Variants in RPTOR observed in about 807,000 individuals in gnomAD.
RPTOR encodes regulatory associated protein of MTOR complex 1.
Under a neutral mutation model 169.9 loss-of-function variants are expected in RPTOR, and 21 were observed. The observed-to-expected ratio is 0.12, with a 90% CI of 0.09 to 0.18. The LOEUF is 0.18. RPTOR is among the 10% of genes least tolerant of loss of function. The pLI is 1.00. For synonymous variants in RPTOR, 732 were observed against 753.2 expected (o/e 0.97, Z 0.46); for missense variants, 1,133 against 1,855.9 (o/e 0.61, Z 7.16).
rs79061493 is a variant in RPTOR at position 80,944,040 on chromosome 17, G to A, written c.3026-1627G>A. 3.7e-3 allele frequency among the ~76,000 whole-genome samples: 564 copies of A among 152,346 alleles called. 8 individuals carry two copies. The highest frequency in any genetic ancestry group is 0.013 in the African/African-American group (542 of 41,574). ...TCCCCAGCTGCCCTTTCAGTCACCA[G>A]GATGTGTTGGAATCCATCTTGCGCC... On this transcript the variant is annotated intron_variant, in intron 25 of 33. Coordinates refer to ENST00000306801, the MANE Select transcript of RPTOR (RefSeq NM_020761.3).
intron 4 of RPTOR, among the ~76,000 whole-genome samples, chr17:80,714,019 A>G (rs1166876200): frequency 6.6e-6 from 1 of 151,918 alleles, no homozygotes; most frequent in African/African-American, 2.4e-5. Context: ...GCTCACTGCA[A>G]CCTCCACCTC....
In RPTOR at chr17:80,823,016, T is replaced by G; in HGVS notation, c.992-63T>G. 1 of 1,549,990 alleles carries G rather than the reference T, an allele frequency of 6.5e-7. No individual in the cohort carries two copies. Among genetic ancestry groups the G allele is most frequent in the Non-Finnish European group, 8.7e-7 (1 of 1,143,732 alleles). On this transcript the variant is annotated intron_variant, in intron 8 of 33. Transcript: ENST00000306801. This position sits in a 1 kb window ranked among gnomAD's most constrained non-coding sequence, Gnocchi z 4.5. ...TTTTTGATAGAAGTGAATTTGTGTA[T>G]TTGGCTTTAAATGCTAGACACAAGT...
intron 6 of RPTOR, among the ~76,000 whole-genome samples, chr17:80,771,031 C>G (rs1238722230): frequency 1.3e-5 from 2 of 152,222 alleles, no homozygotes; most frequent in Non-Finnish European, 2.9e-5. Flanking sequence ...TGATCGCTGC[C>G]TTCTGAGCCG....
intron 20 of RPTOR, among the ~76,000 whole-genome samples, 167 bp downstream of exon 20, chr17:80,894,032 G>A (rs769717376): frequency 4.6e-5 from 7 of 152,180 alleles, no homozygotes; most frequent in Non-Finnish European, 7.3e-5. Flanking sequence ...CGTTTTGCTG[G>A]GGCAAGCGGG....
At chr17:80,953,147 G>C (rs2069204231) in intron 28 of RPTOR, among the ~76,000 whole-genome samples, 1 of 152,152 alleles carries the variant, frequency 6.6e-6, no homozygotes, top group Non-Finnish European at 1.5e-5. Context: ...TTACAGGTGT[G>C]AGCCACTGCA....
rs34961841 is a variant in RPTOR at position 80,626,718 on chromosome 17, G to GT, written c.265+941dup. On this transcript the variant is annotated intron_variant, in intron 2 of 33. Transcript: ENST00000306801. Reference sequence around the variant, plus strand: ...CCTATGCAGTTCAAGTCCAGAGACTGTTTTTTTTTTTTTTTTAATTGTGGT... The same window carrying GT: ...CCTATGCAGTTCAAGTCCAGAGACTGTTTTTTTTTTTTTTTTTAATTGTGGT... Among the ~76,000 whole-genome samples the GT allele has an allele frequency of 7.9e-5, 11 of 138,668 alleles. No homozygotes were observed. In the South Asian group the frequency reaches 1.8e-3, roughly 23 times the overall value. 91.0% of individuals were successfully genotyped at this position (138,668 alleles called of 152,430 possible). A position where few individuals can be genotyped will look rare whatever the true frequency, so the allele number is the denominator to read the frequency against.
chr17:80,939,384 C>T (rs1315584277), intron 24 of RPTOR, among the ~76,000 whole-genome samples: 1 of 152,246 alleles, frequency 6.6e-6, no homozygotes, highest in Non-Finnish European at 1.5e-5. Context: ...CACACACGCA[C>T]ACACACGCAT....
intron 11 of RPTOR, among the ~76,000 whole-genome samples, chr17:80,853,065 C>A (rs552175579): frequency 2.6e-5 from 4 of 152,298 alleles, no homozygotes; most frequent in Admixed American, 2.0e-4. Context: ...AAACCCACCC[C>A]CTTCCACTCG....
intron 1 of RPTOR, among the ~76,000 whole-genome samples, chr17:80,551,754 T>C (rs975582063): frequency 2.6e-5 from 4 of 152,118 alleles, no homozygotes; most frequent in Admixed American, 1.3e-4. Flanking sequence ...GCACAGACCC[T>C]TTACGGGTGT....
chr17:80,705,289 G>A (rs1051850244), intron 3 of RPTOR, among the ~76,000 whole-genome samples: 3 of 152,252 alleles, frequency 2.0e-5, no homozygotes, highest in African/African-American at 7.2e-5. Flanking sequence ...TCTGAGCGAG[G>A]AGACACTGAG....
chr17:80,814,258 A>G (rs1369193667), intron 7 of RPTOR, among the ~76,000 whole-genome samples: 2 of 152,150 alleles, frequency 1.3e-5, no homozygotes, highest in Non-Finnish European at 2.9e-5. Context: ...TAATACGTAA[A>G]TTGTATGTTT....
chr17:80,865,705 A>G (rs972347166), intron 13 of RPTOR, among the ~76,000 whole-genome samples: 1 of 152,072 alleles, frequency 6.6e-6, no homozygotes, highest in African/African-American at 2.4e-5. Context: ...CCGTAATTAC[A>G]TTTGGAGGTT....
In RPTOR at chr17:80,950,993, C is replaced by T. The variant is rs80088199; in HGVS notation, c.3370+1446C>T. ...AAAACTTCCCTCCCTGTCCAAGGCT[C>T]GGACCTGCCGGAAATGCAGTGCTGG... On this transcript the variant is annotated intron_variant, in intron 28 of 33. Coordinates refer to ENST00000306801, the MANE Select transcript of RPTOR (RefSeq NM_020761.3). 5.4e-3 allele frequency among the ~76,000 whole-genome samples: 817 copies of T among 152,298 alleles called. 10 individuals are homozygous for T. Among genetic ancestry groups the T allele is most frequent in the African/African-American group, 0.019 (786 of 41,550 alleles).
chr17:80,890,249 G>A (rs2068303893), intron 17 of RPTOR, among the ~76,000 whole-genome samples: 1 of 152,218 alleles, frequency 6.6e-6, no homozygotes, highest in Admixed American at 6.5e-5. Context: ...CCCAGCTCTG[G>A]CTTTTCTCAC....
At chr17:80,764,870 G>A (rs1298323249) in intron 6 of RPTOR, among the ~76,000 whole-genome samples, 1 of 152,060 alleles carries the variant, frequency 6.6e-6, no homozygotes, top group African/African-American at 2.4e-5. Flanking sequence ...GGTGTGAGAT[G>A]GTATCTCATT....
At chr17:80,927,712 G>A (rs547139077) in intron 24 of RPTOR, among the ~76,000 whole-genome samples, 13 of 98,880 alleles carry the variant, frequency 1.3e-4, no homozygotes, top group Admixed American at 4.8e-4. Context: ...TGTGTATCTC[G>A]TGTGTGTGTC....
chr17:80,893,987 GAAT>G, intron 20 of RPTOR, 122 bp downstream of exon 20: 1 of 1,062,996 alleles, frequency 9.4e-7, no homozygotes. Context: ...TCAAAAGAAA[GAAT>G]AAAGGTCAAC....
At chr17:80,944,211 A>G (rs2069070074) in intron 25 of RPTOR, among the ~76,000 whole-genome samples, 1 of 152,210 alleles carries the variant, frequency 6.6e-6, no homozygotes, top group Non-Finnish European at 1.5e-5. Flanking sequence ...ATTCTGTAAT[A>G]GATCCCTCAG....
In RPTOR at chr17:80,646,771, GTCTT is replaced by G. The variant is rs1238465997; in HGVS notation, c.348+2963_348+2966del. 6.6e-6 allele frequency among the ~76,000 whole-genome samples: 1 copy of G among 152,088 alleles called. No homozygotes were observed. Among genetic ancestry groups the G allele is most frequent in the Admixed American group, 6.5e-5 (1 of 15,272 alleles). ...TATATCTGGTTTTCTCTTTCTCTGT[GTCTT>G]TATTGCAAGAGTGGAAAACCTTGGG... On this transcript the variant is annotated intron_variant, in intron 3 of 33. Coordinates refer to ENST00000306801, the MANE Select transcript of RPTOR (RefSeq NM_020761.3). The surrounding 1 kb of genome is among the most constrained non-coding windows in gnomAD (Gnocchi z 5.0).
Sources: gnomAD v4.1 joint callset for allele counts (sites outside exome capture counted in the v4.1 genomes callset) on GRCh38, gnomAD v4.1.1 for gene constraint, Gnocchi (gnomAD v3.1) non-coding constraint, MANE v1.5 for transcripts, NCBI Gene and HGNC (gene_info 2026-07-23, HGNC 2026-07-21) for gene names.